The following CASR variants were observed in gnomAD, a reference collection of about 807,000 sequenced individuals.
The protein encoded by CASR is calcium sensing receptor.
Under a neutral mutation model 69.1 loss-of-function variants are expected in CASR, and 23 were observed. That is an observed-to-expected ratio of 0.33 (90% CI 0.24 to 0.47). The LOEUF (loss-of-function observed/expected upper bound fraction) is 0.47, where lower values mean the gene tolerates loss of function less well. Among genes scored for constraint, CASR ranks in the 20% least tolerant of loss-of-function variants. The probability of loss-of-function intolerance (pLI) is 1.00; values close to 1 mark genes in which losing one functional copy is unlikely to be tolerated. For missense variants in CASR, 924 were observed against 1,356.1 expected (o/e 0.68, Z 5.00); for synonymous variants, 541 against 544.7 (o/e 0.99, Z 0.10).
intron 1 of CASR, among the ~76,000 whole-genome samples, chr3:122,225,079 A>C (rs2074209581): frequency 6.6e-6 from 1 of 152,220 alleles, no homozygotes; most frequent in Non-Finnish European, 1.5e-5. Context: ...AGTTGGATTA[A>C]AGACTTAAAT....
At position 122,261,960 on chromosome 3, in the gene CASR, C is replaced by T. The variant is rs1180573506; in HGVS notation, c.925C>T (p.Gln309Ter). ...CAGCTCCTCCCTGATCGCCATGCCTCAGTACTTCCACGTGGTTGGCGGCAC... is the reference window on the plus strand; with the variant it reads ...CAGCTCCTCCCTGATCGCCATGCCTTAGTACTTCCACGTGGTTGGCGGCAC... ...WASSSLIAMP[Q>*]YFHVVGGTIG... The change falls in exon 4 of 7, where the codon CAG becomes TAG. Residue 309 changes from glutamine to a stop codon, truncating the protein, a stop_gained. Coordinates refer to ENST00000639785, the MANE Select transcript of CASR (RefSeq NM_000388.4). LOFTEE classifies it high-confidence loss of function. 6.2e-7 allele frequency: 1 copy of T among 1,614,190 alleles called. No homozygotes were observed. Among genetic ancestry groups the T allele is most frequent in the Non-Finnish European group, 8.5e-7 (1 of 1,180,004 alleles).
chr3:122,245,934 C>T (rs1038307020), intron 1 of CASR, among the ~76,000 whole-genome samples: 2 of 152,174 alleles, frequency 1.3e-5, no homozygotes, highest in African/African-American at 2.4e-5. Flanking sequence ...TAAAGACAAA[C>T]TGTGCACTGA....
At chr3:122,225,093 AGACCTAAAACTATAAAAATGTT>A (rs1559944024) in intron 1 of CASR, among the ~76,000 whole-genome samples, 2 of 152,236 alleles carry the variant, frequency 1.3e-5, no homozygotes, top group African/African-American at 4.8e-5. Context: ...CTTAAATATA[AGACCTAAAACTATAAAAATGTT>A]AGTAGAAAAC....
chr3:122,280,121 C>T (rs2074869829), intron 5 of CASR, among the ~76,000 whole-genome samples: 1 of 152,162 alleles, frequency 6.6e-6, no homozygotes, highest in Non-Finnish European at 1.5e-5. Context: ...ACATGACTAT[C>T]TCAATAGACA....
At chr3:122,219,897 G>A (rs1501893) in intron 1 of CASR, among the ~76,000 whole-genome samples, 137,341 of 152,258 alleles carry the variant, frequency 0.9, 62,390 homozygotes, top group Admixed American at 0.93. Flanking sequence ...TTACCAGTAA[G>A]ATACTTGCCT....
At chr3:122,279,391 CAGAT>C (rs1285363533) in intron 5 of CASR, among the ~76,000 whole-genome samples, 2 of 152,148 alleles carry the variant, frequency 1.3e-5, no homozygotes, top group Admixed American at 6.5e-5. Flanking sequence ...ATACCAAAAA[CAGAT>C]AGAACAATAC....
chr3:122,255,958 C>T (rs2074550620), intron 2 of CASR, among the ~76,000 whole-genome samples: 1 of 152,192 alleles, frequency 6.6e-6, no homozygotes, highest in South Asian at 2.1e-4. Flanking sequence ...TGATTCAGCA[C>T]ATTTACTGAG....
At position 122,285,004 on chromosome 3, in the gene CASR, A is replaced by G. The variant is rs779116209; in HGVS notation, c.3050A>G (p.Gln1017Arg). ...LTRHEPLLPL[Q>R]CGETDLDLTV... is the part of the protein sequence containing the mutation. Reference sequence around the variant, plus strand: ...CGACACGAGCCATTACTCCCGCTGCAGTGCGGGGAAACGGACTTAGATCTG... The same window carrying G: ...CGACACGAGCCATTACTCCCGCTGCGGTGCGGGGAAACGGACTTAGATCTG... Residue 1017 changes from glutamine (Q) to arginine (R), a missense_variant, in exon 7 of 7, where the codon CAG (glutamine) becomes CGG (arginine). By Grantham distance (43) the Gln-to-Arg change is conservative. This residue lies in a region of CASR where 201 missense variants were observed against 228.8 expected (regional missense o/e 0.88). Transcript: ENST00000639785. 1 of 1,614,214 alleles carries G rather than the reference A, an allele frequency of 6.2e-7. No homozygotes were observed. Among genetic ancestry groups the G allele is most frequent in the South Asian group, 1.1e-5 (1 of 91,080 alleles).
At chr3:122,190,999 A>T (rs577873062) in intron 1 of CASR, among the ~76,000 whole-genome samples, 5 of 152,380 alleles carry the variant, frequency 3.3e-5, no homozygotes, top group Middle Eastern at 3.4e-3. Context: ...TCTTCTCAAG[A>T]TTCAGCTGCC....
At chr3:122,196,739 A>T (rs1486154381) in intron 1 of CASR, among the ~76,000 whole-genome samples, 1 of 152,084 alleles carries the variant, frequency 6.6e-6, no homozygotes, top group Non-Finnish European at 1.5e-5. Flanking sequence ...GGGTTTCACC[A>T]TGTTGCCCAG....
In CASR at chr3:122,262,010, G is replaced by T; in HGVS notation, c.975G>T (p.Gly325=). ...CCATTGGATTCGCTCTGAAGGCTGG[G>T]CAGATCCCAGGCTTCCGGGAATTCC... The part of the protein sequence containing the change: ...GGTIGFALKA[G]QIPGFREFLK... Residue 325 remains glycine (G), a synonymous_variant, in exon 4 of 7, where the codon GGG becomes GGT. Coordinates refer to ENST00000639785, the MANE Select transcript of CASR (RefSeq NM_000388.4). 6.2e-7 allele frequency: 1 copy of T among 1,614,228 alleles called. No individual in the cohort carries two copies. Among genetic ancestry groups the T allele is most frequent in the East Asian group, 2.2e-5 (1 of 44,886 alleles).
intron 4 of CASR, among the ~76,000 whole-genome samples, chr3:122,268,559 C>A (rs534242091): frequency 6.6e-6 from 1 of 152,220 alleles, no homozygotes; most frequent in Non-Finnish European, 1.5e-5. Flanking sequence ...TCGGTCCTTA[C>A]ACAAAGAGAA....
intron 1 of CASR, among the ~76,000 whole-genome samples, chr3:122,216,486 C>CTT (rs1283918909): frequency 6.6e-6 from 1 of 152,162 alleles, no homozygotes; most frequent in Non-Finnish European, 1.5e-5. Context: ...CCTGGAAGTT[C>CTT]TTTTGACATT....
In CASR at chr3:122,287,545, T is replaced by A. The variant is rs2074980509; in HGVS notation, c.*2354T>A. The A allele has an allele frequency of 6.6e-6, 1 of 152,230 alleles. No individual in the cohort carries two copies. 9.4% of individuals were successfully genotyped at this position (152,230 alleles called of 1,614,324 possible). ...TCAGTGTTTTCTGAGCCAATTTAGA[T>A]GTTTGGGGATCAATTCAGAGGTTGT... On this transcript the variant is annotated 3_prime_UTR_variant, in exon 7 of 7. Coordinates refer to ENST00000639785, the MANE Select transcript of CASR (RefSeq NM_000388.4).
chr3:122,188,117 A>G (rs1216935261), intron 1 of CASR, among the ~76,000 whole-genome samples: 2 of 152,188 alleles, frequency 1.3e-5, no homozygotes, highest in Non-Finnish European at 2.9e-5. Context: ...ACTCGTGAGC[A>G]TTTTTGCAAT....
Position 122,252,399 on chromosome 3 carries a change from G to GAA in CASR, c.-242-1548_-242-1547dup, listed in dbSNP as rs1467417662. On this transcript the variant is annotated intron_variant, in intron 1 of 6. Coordinates refer to ENST00000639785, the MANE Select transcript of CASR (RefSeq NM_000388.4). ...GGAAGGAAGGAAGGAAGGAAGGAAGGAAGGAAGGAAAAAGAAAGAAAGAAA... is the reference window on the plus strand; with the variant it reads ...GGAAGGAAGGAAGGAAGGAAGGAAGGAAAAGGAAGGAAAAAGAAAGAAAGAAA... Among the ~76,000 whole-genome samples, 29 of 10,696 alleles carry GAA rather than the reference G, an allele frequency of 2.7e-3. 1 individual carries two copies. Among genetic ancestry groups the GAA allele is most frequent in the Admixed American group, 6.4e-3 (4 of 624 alleles). 7.0% of individuals were successfully genotyped at this position (10,696 alleles called of 152,430 possible).
intron 4 of CASR, among the ~76,000 whole-genome samples, chr3:122,273,250 T>G (rs1263238729): frequency 6.6e-6 from 1 of 152,206 alleles, no homozygotes; most frequent in Non-Finnish European, 1.5e-5. Context: ...ATTAGAGGTG[T>G]AGGATGATGT....
At chr3:122,230,435 T>C (rs1454372689) in intron 1 of CASR, among the ~76,000 whole-genome samples, 1 of 152,156 alleles carries the variant, frequency 6.6e-6, no homozygotes, top group South Asian at 2.1e-4. Context: ...GATGCGGGCG[T>C]GAGAGGGACG....
rs1315696864 is a variant in CASR at position 122,253,995 on chromosome 3, G to A, written c.-195G>A. 3 of 649,668 alleles carry A rather than the reference G, an allele frequency of 4.6e-6. No homozygotes were observed. The highest frequency in any genetic ancestry group is 8.3e-6 in the Non-Finnish European group (3 of 362,578). 40.2% of individuals were successfully genotyped at this position (649,668 alleles called of 1,614,324 possible). ...CATGATGTGGCTTCCAAAGACTCAAGGACCACCCACATTACAAGTCTGGAT... is the reference window on the plus strand; with the variant it reads ...CATGATGTGGCTTCCAAAGACTCAAAGACCACCCACATTACAAGTCTGGAT... On this transcript the variant is annotated 5_prime_UTR_variant, in exon 2 of 7. Coordinates refer to ENST00000639785, the MANE Select transcript of CASR (RefSeq NM_000388.4).
Sources: allele counts gnomAD v4.1 joint callset (sites outside exome capture counted in the v4.1 genomes callset), GRCh38; gene constraint gnomAD v4.1.1; regional missense constraint gnomAD v4.1.1; transcripts MANE v1.5; gene names NCBI Gene and HGNC (gene_info 2026-07-23, HGNC 2026-07-21).